The following RIMS2 variants were observed in gnomAD, a reference collection of about 807,000 sequenced individuals.
The protein encoded by RIMS2 is regulating synaptic membrane exocytosis 2, also known as regulating synaptic membrane exocytosis protein 2.
Under a neutral mutation model 174.4 loss-of-function variants are expected in RIMS2, and 59 were observed. The observed-to-expected ratio is 0.34, with a 90% CI of 0.27 to 0.42. The LOEUF (loss-of-function observed/expected upper bound fraction) is 0.42, where lower values mean the gene tolerates loss of function less well. Among genes scored for constraint, RIMS2 ranks in the 10% least tolerant of loss-of-function variants. RIMS2 has a pLI of 1.00. For synonymous variants in RIMS2, 606 were observed against 572.5 expected (o/e 1.06, Z -0.84); for missense variants, 1,620 against 1,666.3 (o/e 0.97, Z 0.48).
chr8:103,974,848 T>A (rs1259665873), intron 15 of RIMS2, among the ~76,000 whole-genome samples: 1 of 152,186 alleles, frequency 6.6e-6, no homozygotes, highest in Non-Finnish European at 1.5e-5. Flanking sequence ...CCCATCTCAT[T>A]TTTTAAAAAA....
chr8:103,773,174 T>A (rs2098272421), intron 3 of RIMS2, among the ~76,000 whole-genome samples: 1 of 152,018 alleles, frequency 6.6e-6, no homozygotes, highest in African/African-American at 2.4e-5. Context: ...TTAGACTTCA[T>A]CAAAATAAAA....
intron 1 of RIMS2, among the ~76,000 whole-genome samples, chr8:103,592,136 G>T (rs1185072276): frequency 6.6e-6 from 1 of 151,048 alleles, no homozygotes; most frequent in East Asian, 1.9e-4. Context: ...ACTTAAAGGA[G>T]AATATTTTGA....
intron 2 of RIMS2, among the ~76,000 whole-genome samples, chr8:103,765,539 A>G (rs2098161504): frequency 6.6e-6 from 1 of 152,206 alleles, no homozygotes; most frequent in Non-Finnish European, 1.5e-5. Flanking sequence ...CACAGTAAAA[A>G]CATCAGATGC....
At chr8:103,838,559 G>A (rs1356031278) in intron 3 of RIMS2, among the ~76,000 whole-genome samples, 1 of 152,140 alleles carries the variant, frequency 6.6e-6, no homozygotes, top group Non-Finnish European at 1.5e-5. Context: ...TGTGATTTGT[G>A]AGAGCACAGA....
At chr8:104,044,529 A>C (rs2096661433) in intron 19 of RIMS2, among the ~76,000 whole-genome samples, 1 of 79,000 alleles carries the variant, frequency 1.3e-5, no homozygotes, top group Non-Finnish European at 2.6e-5. Flanking sequence ...CTTTTCTTAC[A>C]AAAAAAAAAA....
chr8:103,918,697 CTT>C lies in RIMS2; in HGVS notation c.2083+211_2083+212del, dbSNP rs1235295027. The C allele has an allele frequency of 7.7e-6, 4 of 521,440 alleles. No individual in the cohort carries two copies. The Admixed American group carries it at 9.5e-5, about 12-fold the overall frequency. The allele number at this position is 521,440 out of a possible 1,614,324, so 32.3% of individuals were successfully genotyped here. A position where few individuals can be genotyped will look rare whatever the true frequency, so the allele number is the denominator to read the frequency against. On this transcript the variant is annotated intron_variant, in intron 9 of 23. Coordinates refer to ENST00000504942, the Ensembl canonical transcript of RIMS2. Reference sequence around the variant, plus strand: ...TATTTTAAGTTTTTTTTAAACATGTCTTATTACAGATTTTTAGATAGCATTAT... The same window carrying C: ...TATTTTAAGTTTTTTTTAAACATGTCATTACAGATTTTTAGATAGCATTAT...
At chr8:103,667,639 A>C (rs184081038) in intron 1 of RIMS2, among the ~76,000 whole-genome samples, 1 of 152,362 alleles carries the variant, frequency 6.6e-6, no homozygotes, top group East Asian at 1.9e-4. Flanking sequence ...ATACTTCATG[A>C]GTGCACACAA....
At chr8:103,701,462 A>G (rs1386389112) in intron 2 of RIMS2, among the ~76,000 whole-genome samples, 1 of 152,126 alleles carries the variant, frequency 6.6e-6, no homozygotes, top group African/African-American at 2.4e-5. Flanking sequence ...CTATTTTGAA[A>G]TATACAGTGA....
intron 3 of RIMS2, among the ~76,000 whole-genome samples, chr8:103,846,374 AAAG>A (rs2098967975): frequency 6.6e-6 from 1 of 152,168 alleles, no homozygotes. Context: ...CAGGATAGAG[AAAG>A]AAGAACTAGT....
intron 19 of RIMS2, among the ~76,000 whole-genome samples, chr8:104,106,547 G>A (rs2098070892): frequency 1.3e-5 from 2 of 152,068 alleles, no homozygotes; most frequent in Admixed American, 6.5e-5. Flanking sequence ...GGGATAAAAT[G>A]CATTTCTATG....
At chr8:103,714,147 CT>C (rs2097341338) in intron 2 of RIMS2, among the ~76,000 whole-genome samples, 1 of 152,070 alleles carries the variant, frequency 6.6e-6, no homozygotes, top group Admixed American at 6.5e-5. Flanking sequence ...TTTAATTCCC[CT>C]TGACTGCTGT....
chr8:103,867,889 T>G (rs1166520388), intron 3 of RIMS2, among the ~76,000 whole-genome samples: 4 of 152,056 alleles, frequency 2.6e-5, no homozygotes, highest in African/African-American at 9.7e-5. Flanking sequence ...TTTCTGGAGA[T>G]GCCTGCTACT....
intron 1 of RIMS2, among the ~76,000 whole-genome samples, chr8:103,643,876 A>G (rs2096276080): frequency 6.6e-6 from 1 of 152,068 alleles, no homozygotes; most frequent in Non-Finnish European, 1.5e-5. Context: ...TCCATTTTCT[A>G]CATTGAAGGC....
chr8:103,819,982 A>C (rs1489163811), intron 3 of RIMS2, among the ~76,000 whole-genome samples: 5 of 152,124 alleles, frequency 3.3e-5, no homozygotes, highest in African/African-American at 1.2e-4. Flanking sequence ...GGATGGGGCT[A>C]TATAATCATA....
exon 4 of RIMS2, chr8:103,885,917 C>T: frequency 4.3e-6 from 7 of 1,612,836 alleles, no homozygotes; most frequent in Non-Finnish European, 5.9e-6. Context: ...CAGGAGGAGT[C>T]CACTACCCAT....
At chr8:103,549,161 A>AT (rs1320392462) in intron 1 of RIMS2, among the ~76,000 whole-genome samples, 1 of 152,072 alleles carries the variant, frequency 6.6e-6, no homozygotes, top group African/African-American at 2.4e-5. Context: ...TCCAAGACAC[A>AT]TAATTGTCAG....
At chr8:104,238,009 G>A (rs72685070) in intron 19 of RIMS2, among the ~76,000 whole-genome samples, 19,471 of 151,810 alleles carry the variant, frequency 0.13, 1,619 homozygotes, top group African/African-American at 0.23. Flanking sequence ...AAAATCTGCC[G>A]ATGGGCACTA....
In RIMS2 at chr8:103,999,072, TGTG is replaced by T. The variant is rs1209273167; in HGVS notation, c.3044+9656_3044+9658del. Among the ~76,000 whole-genome samples, 23 of 151,852 alleles carry T rather than the reference TGTG, an allele frequency of 1.5e-4. No individual in the cohort carries two copies. In the East Asian group the frequency reaches 4.1e-3, roughly 27 times the overall value. On this transcript the variant is annotated intron_variant, in intron 17 of 23. Transcript: ENST00000504942. ...TGAGATCCTTTAGGTAAAGAAATAATGTGGTGGAAGGCTTAGCTAGTATAAATT... is the reference window on the plus strand; with the variant it reads ...TGAGATCCTTTAGGTAAAGAAATAATGTGGAAGGCTTAGCTAGTATAAATT...
intron 1 of RIMS2, among the ~76,000 whole-genome samples, chr8:103,649,648 CT>C (rs71575979): frequency 0.013 from 1,876 of 143,320 alleles, 19 homozygotes; most frequent in South Asian, 0.031. Context: ...CCTTTTCATT[CT>C]TTTTTTTTTT....
Sources: gnomAD v4.1 joint callset for allele counts (sites outside exome capture counted in the v4.1 genomes callset) on GRCh38, gnomAD v4.1.1 for gene constraint, MANE v1.5 for transcripts, NCBI Gene and HGNC (gene_info 2026-07-23, HGNC 2026-07-21) for gene names.